The following RERE variants were observed in gnomAD, a reference collection of about 807,000 sequenced individuals.
RERE encodes arginine-glutamic acid dipeptide repeats.
RERE carries 40 observed loss-of-function variants against 146.1 expected under a neutral mutation model. That is an observed-to-expected ratio of 0.27 (90% CI 0.21 to 0.36). The LOEUF (loss-of-function observed/expected upper bound fraction) is 0.36. Among genes scored for constraint, RERE ranks in the 10% least tolerant of loss-of-function variants. The pLI is 1.00. For synonymous variants in RERE, 1,003 were observed against 866.0 expected (o/e 1.16, Z -2.78); for missense variants, 1,933 against 2,138.7 (o/e 0.90, Z 1.90).
At chr1:8,537,204 AAAAC>A (rs1284067370) in intron 7 of RERE, among the ~76,000 whole-genome samples, 2 of 152,190 alleles carry the variant, frequency 1.3e-5, no homozygotes, top group Admixed American at 6.5e-5. Flanking sequence ...ACCCTGTCTC[AAAAC>A]AAACAAAAAA....
chr1:8,442,257 C>T (rs1489592188), intron 11 of RERE, among the ~76,000 whole-genome samples: 1 of 151,964 alleles, frequency 6.6e-6, no homozygotes, highest in Non-Finnish European at 1.5e-5. Context: ...TAGTGGCGCA[C>T]GCCTGTAATC....
chr1:8,558,640 G>C (rs1219068771), intron 4 of RERE, among the ~76,000 whole-genome samples: 1 of 152,076 alleles, frequency 6.6e-6, no homozygotes, highest in African/African-American at 2.4e-5. Flanking sequence ...TAACGAGCAA[G>C]TCACAAATAT....
chr1:8,570,706 T>C (rs1302210731), intron 4 of RERE, among the ~76,000 whole-genome samples: 1 of 152,142 alleles, frequency 6.6e-6, no homozygotes, highest in Non-Finnish European at 1.5e-5. Flanking sequence ...CCCTGGACCA[T>C]AGTTAAGAAT....
At chr1:8,673,731 G>A (rs1638773009) in intron 1 of RERE, among the ~76,000 whole-genome samples, 1 of 152,162 alleles carries the variant, frequency 6.6e-6, no homozygotes, top group African/African-American at 2.4e-5. Context: ...GTAAAAAATG[G>A]AGTGAAAAAG....
intron 6 of RERE, among the ~76,000 whole-genome samples, chr1:8,543,243 G>A (rs1645820590): frequency 2.6e-5 from 4 of 152,096 alleles, no homozygotes; most frequent in African/African-American, 9.7e-5. Context: ...TAAGCTTCTG[G>A]GAAAGAAAAT....
chr1:8,490,030 GGC>G (rs1447428406), intron 10 of RERE, among the ~76,000 whole-genome samples: 3 of 147,392 alleles, frequency 2.0e-5, no homozygotes, highest in African/African-American at 7.5e-5. Flanking sequence ...CTCTAGCCTG[GGC>G]GACAGAGCGA....
At chr1:8,455,203 C>A (rs916989451) in intron 11 of RERE, among the ~76,000 whole-genome samples, 1 of 152,100 alleles carries the variant, frequency 6.6e-6, no homozygotes, top group Non-Finnish European at 1.5e-5. Flanking sequence ...GAATAACAAT[C>A]TTCCTGGTGT....
chr1:8,669,303 T>C (rs1198223207), intron 1 of RERE, among the ~76,000 whole-genome samples: 1 of 152,130 alleles, frequency 6.6e-6, no homozygotes, highest in African/African-American at 2.4e-5. Context: ...TTCAAATTCC[T>C]GGGCTCAAGC....
intron 10 of RERE, among the ~76,000 whole-genome samples, chr1:8,478,100 A>G (rs1242507551): frequency 6.6e-6 from 1 of 152,210 alleles, no homozygotes; most frequent in Non-Finnish European, 1.5e-5. Context: ...AGCTTTCCCA[A>G]TCTAATAACA....
Position 8,710,577 on chromosome 1 carries a change from A to C in RERE, c.-144-54136T>G, listed in dbSNP as rs1229517208. 2.0e-5 allele frequency among the ~76,000 whole-genome samples: 3 copies of C among 152,300 alleles called. No individual in the cohort carries two copies. The East Asian group carries it at 5.8e-4, about 29-fold the overall frequency. ...TGTGTCACCCAGGCTGATGTGCAGT[A>C]GCATGATCTCGGCTCATTGCAAGCT... On this transcript the variant is annotated intron_variant, in intron 1 of 22. Coordinates refer to ENST00000400908, the MANE Select transcript of RERE (RefSeq NM_001042681.2).
chr1:8,750,990 A>T, intron 1 of RERE: 1 of 664,128 alleles, frequency 1.5e-6, no homozygotes, highest in Non-Finnish European at 2.7e-6. Flanking sequence ...TGCATGGAGG[A>T]TCTGATTCAT....
At chr1:8,770,319 T>A (rs538661087) in intron 1 of RERE, among the ~76,000 whole-genome samples, 39 of 152,212 alleles carry the variant, frequency 2.6e-4, no homozygotes, top group Non-Finnish European at 3.4e-4. Context: ...AAAAAAATTT[T>A]TTTTTAAAAG....
intron 4 of RERE, among the ~76,000 whole-genome samples, chr1:8,600,341 CTATCTATCAATTACCA>C (rs1490336232): frequency 6.6e-6 from 1 of 152,180 alleles, no homozygotes; most frequent in Non-Finnish European, 1.5e-5. Flanking sequence ...TTAAACACAT[CTATCTATCAATTACCA>C]TTTGCCAGCT....
At chr1:8,371,581 T>C (rs1328749900) in intron 12 of RERE, among the ~76,000 whole-genome samples, 1 of 152,186 alleles carries the variant, frequency 6.6e-6, no homozygotes, top group African/African-American at 2.4e-5. Flanking sequence ...GCTCCTGCCA[T>C]CCAGGGGCCT....
In RERE at chr1:8,624,295, A is replaced by G. The variant is rs1417224566; in HGVS notation, c.396+15T>C. On this transcript the variant is annotated intron_variant, in intron 3 of 22. Transcript: ENST00000400908. ...GAATACAGAGCAGAGTGAACAGCACATTAAAAACGCTTACCAGTTTGAAGT... is the reference window on the plus strand; with the variant it reads ...GAATACAGAGCAGAGTGAACAGCACGTTAAAAACGCTTACCAGTTTGAAGT... The G allele has an allele frequency of 1.9e-6, 3 of 1,597,180 alleles. No homozygotes were observed. The highest frequency in any genetic ancestry group is 2.7e-5 in the African/African-American group (2 of 74,578).
In RERE at chr1:8,656,528, A is replaced by G. The variant is rs541673192; in HGVS notation, c.-144-87T>C. On this transcript the variant is annotated intron_variant, in intron 1 of 22. Transcript: ENST00000400908. ...TGTTAAATGAATCTCTTACTTATTC[A>G]TGCTTTACACCTAAAAACTTCGCAC... The G allele has an allele frequency of 1.1e-4, 65 of 569,424 alleles. 1 individual carries two copies. In the South Asian group the frequency reaches 2.0e-3, roughly 18 times the overall value. The allele number at this position is 569,424 out of a possible 1,614,324, so 35.3% of individuals were successfully genotyped here. A position where few individuals can be genotyped will look rare whatever the true frequency, so the allele number is the denominator to read the frequency against.
chr1:8,607,534 C>CTTTTTTCTTTT (rs1646733411), intron 4 of RERE, among the ~76,000 whole-genome samples: 1 of 48,584 alleles, frequency 2.1e-5, no homozygotes, highest in African/African-American at 8.6e-5. Flanking sequence ...ATATATATTT[C>CTTTTTTCTTTT]TTTTTTTTTT....
intron 1 of RERE, among the ~76,000 whole-genome samples, chr1:8,758,716 G>T (rs1401970956): frequency 6.6e-6 from 1 of 152,024 alleles, no homozygotes; most frequent in Non-Finnish European, 1.5e-5. Flanking sequence ...GAGGACTGGG[G>T]AAATGTGAGT....
chr1:8,450,839 C>A (rs565519027), intron 11 of RERE, among the ~76,000 whole-genome samples: 2 of 152,284 alleles, frequency 1.3e-5, no homozygotes, highest in Admixed American at 1.3e-4. Flanking sequence ...AAGTCTCTTC[C>A]TCCATCCTAC....
Sources: gnomAD v4.1 joint callset for allele counts (sites outside exome capture counted in the v4.1 genomes callset) on GRCh38, gnomAD v4.1.1 for gene constraint, MANE v1.5 for transcripts, NCBI Gene and HGNC (gene_info 2026-07-23, HGNC 2026-07-21) for gene names.